Variants in EIF4G3 observed in about 807,000 individuals in gnomAD.
EIF4G3 encodes the protein eIF-4-gamma 3.
Under a neutral mutation model 186.4 loss-of-function variants are expected in EIF4G3, and 34 were observed. That is an observed-to-expected ratio of 0.18 (90% CI 0.14 to 0.24). The LOEUF is 0.24. Ranked by LOEUF, EIF4G3 falls within the 10% of genes least tolerant of loss-of-function variation. The pLI is 1.00. For synonymous variants in EIF4G3, 673 were observed against 679.5 expected, an observed-to-expected ratio of 0.99 and a Z score of 0.15; for missense variants, 1,536 against 1,948.5, an observed-to-expected ratio of 0.79 and a Z score of 3.99.
At chr1:21,054,398 C>T (rs1386617122) in intron 3 of EIF4G3, among the ~76,000 whole-genome samples, 1 of 147,848 alleles carries the variant, frequency 6.8e-6, no homozygotes, top group Non-Finnish European at 1.5e-5. Flanking sequence ...ATCTGCTGAC[C>T]TTCCCTCCAC....
At chr1:21,173,919 C>T (rs957956128) in intron 2 of EIF4G3, among the ~76,000 whole-genome samples, 1 of 152,170 alleles carries the variant, frequency 6.6e-6, no homozygotes, top group Non-Finnish European at 1.5e-5. Context: ...CTATTTCAAT[C>T]CTTTTTTAAT....
intron 7 of EIF4G3, among the ~76,000 whole-genome samples, chr1:20,989,053 GAGA>G (rs2080281086): frequency 1.4e-5 from 1 of 71,076 alleles, no homozygotes; most frequent in Non-Finnish European, 2.9e-5. Flanking sequence ...GAGAGGAGAG[GAGA>G]GGAGGGGAGG....
At chr1:21,026,183 G>A (rs1381359966) in intron 4 of EIF4G3, among the ~76,000 whole-genome samples, 2 of 152,112 alleles carry the variant, frequency 1.3e-5, no homozygotes, top group African/African-American at 2.4e-5. Flanking sequence ...TGCAGTACTG[G>A]TGTAAAAATA....
intron 4 of EIF4G3, among the ~76,000 whole-genome samples, chr1:21,013,577 C>T (rs908359155): frequency 6.6e-6 from 1 of 152,206 alleles, no homozygotes; most frequent in Non-Finnish European, 1.5e-5. Flanking sequence ...TAGTTGAGAG[C>T]TACAGGGATG....
intron 13 of EIF4G3, among the ~76,000 whole-genome samples, chr1:20,943,699 T>C (rs566045235): frequency 6.6e-6 from 1 of 152,220 alleles, no homozygotes; most frequent in Admixed American, 6.5e-5. Context: ...TTACAATAAA[T>C]TGTAATTATG....
At chr1:20,871,405 CA>C (rs1272612067) in intron 20 of EIF4G3, among the ~76,000 whole-genome samples, 2 of 151,990 alleles carry the variant, frequency 1.3e-5, no homozygotes, top group South Asian at 2.1e-4. Flanking sequence ...GATGCCATAC[CA>C]ATAACCAAGA....
chr1:21,124,038 C>T lies in EIF4G3; in HGVS notation c.-271-34825G>A, dbSNP rs145112812. On this transcript the variant is annotated intron_variant, in intron 2 of 36. Transcript: ENST00000602326. The stretch of plus-strand genomic sequence containing the variant: ...AGGCATGGTGGCTCACGCCTGTAAT[C>T]CCAGCACTTTGGGAGGCCGAGGCAG... Among the ~76,000 whole-genome samples the T allele has an allele frequency of 3.4e-3, 523 of 152,262 alleles. 5 individuals carry two copies. The highest frequency in any genetic ancestry group is 0.012 in the African/African-American group (499 of 41,550).
intron 2 of EIF4G3, among the ~76,000 whole-genome samples, chr1:21,160,270 A>C (rs190008984): frequency 6.6e-6 from 1 of 151,946 alleles, no homozygotes; most frequent in South Asian, 2.1e-4. Flanking sequence ...GTCCATAGTG[A>C]TATGAATAAT....
intron 10 of EIF4G3, among the ~76,000 whole-genome samples, chr1:20,976,885 A>G (rs771872463): frequency 2.0e-4 from 31 of 152,228 alleles, no homozygotes; most frequent in Admixed American, 8.5e-4. Flanking sequence ...AAAGTACTAA[A>G]AATTAGGTAT....
At chr1:21,175,177 C>T (rs1301465319) in intron 2 of EIF4G3, 1 of 152,104 alleles carries the variant, frequency 6.6e-6, no homozygotes, top group Non-Finnish European at 1.5e-5. Context: ...GGAGGTGATG[C>T]ATGATGAAAT....
At chr1:20,867,040 A>G (rs1313218057) in intron 20 of EIF4G3, among the ~76,000 whole-genome samples, 2 of 152,236 alleles carry the variant, frequency 1.3e-5, no homozygotes, top group Non-Finnish European at 2.9e-5. Context: ...CCACTGCCAT[A>G]TGGTGAGAAG....
intron 3 of EIF4G3, among the ~76,000 whole-genome samples, chr1:21,070,420 AAAT>A (rs1158628740): frequency 2.0e-5 from 3 of 152,234 alleles, no homozygotes; most frequent in Admixed American, 6.5e-5. Flanking sequence ...AAATGTGTAA[AAAT>A]AATAGCAACA....
rs746753926 is a variant in EIF4G3 at position 20,825,127 on chromosome 1, T to C, written c.4341A>G (p.Glu1447=). Residue 1447 remains glutamate (E), a synonymous_variant, in exon 33 of 37, where the codon GAA becomes GAG. Coordinates refer to ENST00000602326, the MANE Select transcript of EIF4G3 (RefSeq NM_001391906.1). ...LSWKDFLPEG[E]DVHNFLLEQK... is the part of the protein sequence containing the mutation. ...GCTCCAAAAGAAAATTATGTACATC[T>C]TCTCCTTCTGGTAAAAAGTCCTTCC... 1 of 1,612,848 alleles carries C rather than the reference T, an allele frequency of 6.2e-7. No homozygotes were observed. The highest frequency in any genetic ancestry group is 2.2e-5 in the East Asian group (1 of 44,864).
intron 4 of EIF4G3, among the ~76,000 whole-genome samples, chr1:21,012,266 C>T (rs891683179): frequency 3.3e-5 from 5 of 152,036 alleles, no homozygotes; most frequent in South Asian, 2.1e-4. Flanking sequence ...TTTATTGTGA[C>T]CCTAAAATGG....
intron 12 of EIF4G3, among the ~76,000 whole-genome samples, chr1:20,964,824 C>T (rs74061345): frequency 0.095 from 14,452 of 152,182 alleles, 916 homozygotes; most frequent in East Asian, 0.26. Flanking sequence ...TGGTTAACAC[C>T]AGAGTCCTGT....
chr1:20,813,398 TAA>T (rs11303095), intron 34 of EIF4G3, among the ~76,000 whole-genome samples, 159 bp from the exon 35 acceptor site: 1,028 of 81,820 alleles, frequency 0.013, 9 homozygotes, highest in African/African-American at 0.032. Flanking sequence ...CCCTATCTCT[TAA>T]AAAAAAAAAA....
At chr1:21,097,085 A>C (rs1041330177) in intron 2 of EIF4G3, among the ~76,000 whole-genome samples, 6 of 152,226 alleles carry the variant, frequency 3.9e-5, no homozygotes, top group African/African-American at 1.4e-4. Flanking sequence ...AACTTTTAAA[A>C]TAAATAGATA....
intron 18 of EIF4G3, among the ~76,000 whole-genome samples, chr1:20,891,115 G>A (rs1443425316): frequency 1.3e-5 from 2 of 152,138 alleles, no homozygotes; most frequent in Non-Finnish European, 2.9e-5. Context: ...ACAGAGGAGT[G>A]GTATATGCTG....
rs151099545 is a variant in EIF4G3 at position 21,000,357 on chromosome 1, C to T, written c.144+842G>A. 3.3e-3 allele frequency among the ~76,000 whole-genome samples: 508 copies of T among 152,102 alleles called. 4 individuals carry two copies. The highest frequency in any genetic ancestry group is 0.017 in the Middle Eastern group (5 of 294). On this transcript the variant is annotated intron_variant, in intron 6 of 36. Coordinates refer to ENST00000602326, the MANE Select transcript of EIF4G3 (RefSeq NM_001391906.1). ...GCAAAGGCAGCTGTCCAGGGAAGAA[C>T]AGAAAAGCCTAAAACTGCGCAATTG...
Sources: allele counts gnomAD v4.1 joint callset (sites outside exome capture counted in the v4.1 genomes callset), GRCh38; gene constraint gnomAD v4.1.1; transcripts MANE v1.5; gene names NCBI Gene and HGNC (gene_info 2026-07-23, HGNC 2026-07-21).